PDE4B: variants seen among roughly 807,000 people sequenced by gnomAD.
PDE4B encodes the protein 3',5'-cyclic-AMP phosphodiesterase 4B.
PDE4B carries 20 observed loss-of-function variants against 82.2 expected under a neutral mutation model. The observed-to-expected ratio is 0.24, with a 90% confidence interval of 0.17 to 0.35. The LOEUF (loss-of-function observed/expected upper bound fraction) is 0.35, where lower values mean the gene tolerates loss of function less well. PDE4B is among the 10% of genes least tolerant of loss of function. The pLI, the probability that PDE4B is intolerant of heterozygous loss-of-function variation, is 1.00. For synonymous variants in PDE4B, 320 were observed against 318.9 expected (o/e 1.00, Z -0.04); for missense variants, 655 against 907.2 (o/e 0.72, Z 3.57).
intron 3 of PDE4B, among the ~76,000 whole-genome samples, chr1:66,021,671 A>G (rs1448440487): frequency 6.6e-6 from 1 of 152,142 alleles, no homozygotes; most frequent in Non-Finnish European, 1.5e-5. Flanking sequence ...ATTGATCTAT[A>G]TCTCTGTTTT....
intron 7 of PDE4B, among the ~76,000 whole-genome samples, chr1:66,319,082 T>C (rs537505064): frequency 1.3e-5 from 2 of 152,348 alleles, no homozygotes; most frequent in Non-Finnish European, 2.9e-5. Context: ...TTTCTGCTCT[T>C]TACAACACTT....
At chr1:66,119,330 C>T (rs1032837604) in intron 3 of PDE4B, among the ~76,000 whole-genome samples, 3 of 152,102 alleles carry the variant, frequency 2.0e-5, no homozygotes, top group Admixed American at 6.5e-5. Context: ...CTGAGACATT[C>T]GTTACATTGA....
intron 3 of PDE4B, among the ~76,000 whole-genome samples, chr1:66,080,736 T>C (rs1448769586): frequency 6.6e-6 from 1 of 152,150 alleles, no homozygotes; most frequent in Non-Finnish European, 1.5e-5. Context: ...ATATTAAATG[T>C]ATTTTTCTTT....
At chr1:65,849,869 G>A (rs1646310528) in intron 1 of PDE4B, among the ~76,000 whole-genome samples, 1 of 152,066 alleles carries the variant, frequency 6.6e-6, no homozygotes, top group Non-Finnish European at 1.5e-5. Flanking sequence ...GATTCAGTTC[G>A]ATTATTACAG....
chr1:65,845,046 G>A (rs746436613), intron 1 of PDE4B, among the ~76,000 whole-genome samples: 1 of 152,110 alleles, frequency 6.6e-6, no homozygotes, highest in Non-Finnish European at 1.5e-5. Flanking sequence ...ACCCCCATCT[G>A]TCTAAGGGGC....
intron 3 of PDE4B, among the ~76,000 whole-genome samples, chr1:66,155,882 A>T (rs1646493601): frequency 6.6e-6 from 1 of 152,152 alleles, no homozygotes; most frequent in Non-Finnish European, 1.5e-5. Flanking sequence ...TCACATAAGG[A>T]TGTTTTACTA....
intron 3 of PDE4B, among the ~76,000 whole-genome samples, chr1:66,114,171 C>G (rs539028028): frequency 3.9e-5 from 6 of 152,252 alleles, no homozygotes; most frequent in African/African-American, 1.4e-4. Context: ...GAGGCGCTGT[C>G]TATGAACCAG....
At chr1:66,277,754 C>G (rs1376101789) in intron 7 of PDE4B, among the ~76,000 whole-genome samples, 1 of 152,222 alleles carries the variant, frequency 6.6e-6, no homozygotes, top group East Asian at 1.9e-4. Context: ...AGTGACATCT[C>G]ATACATGCTC....
At chr1:66,265,396 G>A (rs1313152801) in intron 6 of PDE4B, among the ~76,000 whole-genome samples, 1 of 152,158 alleles carries the variant, frequency 6.6e-6, no homozygotes, top group Non-Finnish European at 1.5e-5. Flanking sequence ...CAAGAAAAAA[G>A]GAGGAGCCCC....
intron 3 of PDE4B, among the ~76,000 whole-genome samples, chr1:66,053,188 G>A (rs184454824): frequency 3.0e-4 from 46 of 152,156 alleles, no homozygotes; most frequent in South Asian, 1.0e-3. Context: ...ACTCATTAGC[G>A]TGTACAAAAT....
At chr1:66,005,243 C>A (rs1012739433) in intron 3 of PDE4B, among the ~76,000 whole-genome samples, 1 of 151,942 alleles carries the variant, frequency 6.6e-6, no homozygotes, top group Non-Finnish European at 1.5e-5. Flanking sequence ...AGACAGGAGA[C>A]AGACTAAGTG....
intron 3 of PDE4B, among the ~76,000 whole-genome samples, chr1:65,953,734 C>T (rs1000754345): frequency 3.3e-5 from 5 of 151,952 alleles, no homozygotes; most frequent in African/African-American, 1.2e-4. Context: ...CATAACAGTA[C>T]AATTTTTAAA....
intron 3 of PDE4B, among the ~76,000 whole-genome samples, chr1:66,058,064 C>T (rs1294399957): frequency 6.6e-6 from 1 of 152,164 alleles, no homozygotes; most frequent in Non-Finnish European, 1.5e-5. Context: ...AATGGGGGTA[C>T]AGCTATTGGG....
chr1:65,886,499 T>C (rs1331479392), intron 1 of PDE4B, among the ~76,000 whole-genome samples: 1 of 152,194 alleles, frequency 6.6e-6, no homozygotes, highest in Non-Finnish European at 1.5e-5. Flanking sequence ...ACTCTATGCC[T>C]GTACTCATAA....
chr1:65,876,725 A>G (rs1276965037), intron 1 of PDE4B, among the ~76,000 whole-genome samples: 1 of 152,186 alleles, frequency 6.6e-6, no homozygotes, highest in Non-Finnish European at 1.5e-5. Context: ...ATACAATATG[A>G]AATATTTCCG....
At chr1:66,215,094 T>G (rs937005992) in intron 3 of PDE4B, among the ~76,000 whole-genome samples, 1 of 152,072 alleles carries the variant, frequency 6.6e-6, no homozygotes, top group Admixed American at 6.6e-5. Flanking sequence ...ATGGGGTGTT[T>G]TGACAGGCAG....
At chr1:66,314,486 C>T (rs906588686) in intron 7 of PDE4B, among the ~76,000 whole-genome samples, 3 of 152,164 alleles carry the variant, frequency 2.0e-5, no homozygotes, top group Non-Finnish European at 4.4e-5. Flanking sequence ...GATCTCGGCT[C>T]ACTGCAACCT....
intron 7 of PDE4B, among the ~76,000 whole-genome samples, chr1:66,297,302 G>C (rs980358749): frequency 6.6e-6 from 1 of 151,882 alleles, no homozygotes; most frequent in Non-Finnish European, 1.5e-5. Flanking sequence ...TGTATTTCAG[G>C]TTTTCACTTG....
intron 3 of PDE4B, among the ~76,000 whole-genome samples, chr1:66,237,681 A>G (rs1051844169): frequency 1.1e-4 from 17 of 152,228 alleles, no homozygotes; most frequent in African/African-American, 4.1e-4. Flanking sequence ...CTTAGACTTG[A>G]TGTGGGAGCT....
Sources: allele counts gnomAD v4.1 joint callset (sites outside exome capture counted in the v4.1 genomes callset), GRCh38; gene constraint gnomAD v4.1.1; transcripts MANE v1.5; gene names NCBI Gene and HGNC (gene_info 2026-07-23, HGNC 2026-07-21).